ZDHHC20: variants seen among roughly 807,000 people sequenced by gnomAD.
The protein encoded by ZDHHC20 is zDHHC palmitoyltransferase 20, also known as palmitoyltransferase ZDHHC20.
ZDHHC20 carries 43 observed loss-of-function variants against 57.8 expected under a neutral mutation model. The ratio of observed to expected loss-of-function variants is 0.74; its 90% confidence interval spans 0.58 to 0.96. The LOEUF is 0.96. Among genes scored for constraint, ZDHHC20 ranks in the 40% least tolerant of loss-of-function variants. The probability of loss-of-function intolerance (pLI) is 0.00; values close to 1 mark genes in which losing one functional copy is unlikely to be tolerated. For missense variants in ZDHHC20, 391 were observed against 441.1 expected, an observed-to-expected ratio of 0.89 and a Z score of 1.02; for synonymous variants, 157 against 153.0, an observed-to-expected ratio of 1.03 and a Z score of -0.19.
chr13:21,437,267 C>A (rs770238909), intron 1 of ZDHHC20, among the ~76,000 whole-genome samples: 3 of 152,202 alleles, frequency 2.0e-5, no homozygotes, highest in Non-Finnish European at 2.9e-5. Context: ...CAGGACGAAG[C>A]AGCAAGTTTT....
At chr13:21,423,292 A>G (rs1391342412) in intron 2 of ZDHHC20, among the ~76,000 whole-genome samples, 1 of 152,172 alleles carries the variant, frequency 6.6e-6, no homozygotes, top group Non-Finnish European at 1.5e-5. Flanking sequence ...TGATTGTCAT[A>G]CACATTAAAA....
At chr13:21,420,920 T>C in intron 3 of ZDHHC20, 141 bp downstream of exon 3, 1 of 638,852 alleles carries the variant, frequency 1.6e-6, no homozygotes, top group Non-Finnish European at 2.8e-6. Flanking sequence ...TGACTCACAT[T>C]CACAGTACAG....
chr13:21,447,245 C>G (rs774968168), intron 1 of ZDHHC20, among the ~76,000 whole-genome samples: 107 of 148,292 alleles, frequency 7.2e-4, no homozygotes, highest in Non-Finnish European at 1.3e-3. Context: ...GCCGAGGACT[C>G]GTCCCAGTTT....
At chr13:21,441,607 GT>G (rs1328573613) in intron 1 of ZDHHC20, among the ~76,000 whole-genome samples, 1 of 117,306 alleles carries the variant, frequency 8.5e-6, no homozygotes, top group Non-Finnish European at 1.6e-5. Flanking sequence ...GTTTCACCGT[GT>G]TAGCCAGGAT....
In ZDHHC20 at chr13:21,405,906, G is replaced by T. The variant is rs75906804; in HGVS notation, c.371-3040C>A. On this transcript the variant is annotated intron_variant, in intron 4 of 12. Transcript: ENST00000400590. ...GCTTCCATAATGCTTGGGTGCACCA[G>T]CAGGATCTGAACTCAGAACATACAA... Among the ~76,000 whole-genome samples the T allele has an allele frequency of 1.6e-3, 248 of 152,320 alleles. 1 individual carries two copies. The highest frequency in any genetic ancestry group is 3.0e-3 in the Admixed American group (46 of 15,292).
At chr13:21,445,722 T>C (rs768886200) in intron 1 of ZDHHC20, among the ~76,000 whole-genome samples, 3 of 152,210 alleles carry the variant, frequency 2.0e-5, no homozygotes, top group Non-Finnish European at 4.4e-5. Context: ...GAACATATTA[T>C]ACCAGACCCT....
chr13:21,421,269 A>G, intron 2 of ZDHHC20, 105 bp from the exon 3 acceptor site: 1 of 779,974 alleles, frequency 1.3e-6, no homozygotes, highest in Non-Finnish European at 2.1e-6. Context: ...TCCAATAAAC[A>G]ATTAAATTAA....
intron 4 of ZDHHC20, 34 bp from the exon 5 acceptor site, chr13:21,402,900 G>A: frequency 6.6e-7 from 1 of 1,511,068 alleles, no homozygotes; most frequent in Non-Finnish European, 9.0e-7. Context: ...GATGCTGAAG[G>A]ATGTACAAAC....
At chr13:21,379,512 G>A (rs1374435429) in intron 11 of ZDHHC20, among the ~76,000 whole-genome samples, 1 of 151,964 alleles carries the variant, frequency 6.6e-6, no homozygotes, top group Non-Finnish European at 1.5e-5. Context: ...AAACTCCTGA[G>A]CTCAAGTGAT....
chr13:21,428,799 G>C (rs1296656564), intron 1 of ZDHHC20, among the ~76,000 whole-genome samples: 1 of 152,056 alleles, frequency 6.6e-6, no homozygotes, highest in Non-Finnish European at 1.5e-5. Flanking sequence ...GGCGGTTGCA[G>C]TGAGGCAAGA....
chr13:21,425,690 G>T lies in ZDHHC20; in HGVS notation c.119-12C>A. The T allele has an allele frequency of 8.7e-7, 1 of 1,148,772 alleles. No individual in the cohort carries two copies. The allele number at this position is 1,148,772 out of a possible 1,614,324, so 71.2% of individuals were successfully genotyped here. ...TCCAAAAATAGTAACTAGAATAGAA[G>T]AAAAAATAGTGAATAAATATACTTT... On this transcript the variant is annotated splice_polypyrimidine_tract_variant and intron_variant, in intron 1 of 12. Coordinates refer to ENST00000400590, the MANE Select transcript of ZDHHC20 (RefSeq NM_001330059.2).
chr13:21,434,098 G>T (rs757007424), intron 1 of ZDHHC20, among the ~76,000 whole-genome samples: 1 of 152,104 alleles, frequency 6.6e-6, no homozygotes, highest in Non-Finnish European at 1.5e-5. Context: ...GTGTGTGTGT[G>T]TGTGTGTCTG....
intron 4 of ZDHHC20, chr13:21,404,191 C>A: frequency 2.5e-6 from 1 of 408,090 alleles, no homozygotes; most frequent in Non-Finnish European, 4.9e-6. Context: ...ATTTTCCATA[C>A]AGAATACATT....
At chr13:21,391,632 C>A in intron 8 of ZDHHC20, 90 bp downstream of exon 8, 1 of 1,368,026 alleles carries the variant, frequency 7.3e-7, no homozygotes, top group Non-Finnish European at 9.9e-7. Context: ...TCTTACACTT[C>A]TGTATCATCT....
At chr13:21,391,518 A>G (rs1044264115) in intron 8 of ZDHHC20, among the ~76,000 whole-genome samples, 1 of 151,950 alleles carries the variant, frequency 6.6e-6, no homozygotes, top group Admixed American at 6.6e-5. Context: ...GGGTCTCCCT[A>G]TGTTGTCTAG....
At chr13:21,384,776 G>C (rs1194846463) in intron 9 of ZDHHC20, among the ~76,000 whole-genome samples, 5 of 152,112 alleles carry the variant, frequency 3.3e-5, no homozygotes, top group Admixed American at 2.0e-4. Flanking sequence ...ACTACAGAAC[G>C]TAATACTCTG....
intron 1 of ZDHHC20, among the ~76,000 whole-genome samples, chr13:21,453,904 T>C (rs1445825618): frequency 6.6e-6 from 1 of 152,098 alleles, no homozygotes; most frequent in Non-Finnish European, 1.5e-5. Flanking sequence ...TGGAGTGCAA[T>C]GGCACAATCA....
chr13:21,437,580 G>A (rs775981404), intron 1 of ZDHHC20, among the ~76,000 whole-genome samples: 14 of 152,232 alleles, frequency 9.2e-5, no homozygotes, highest in South Asian at 2.1e-4. Flanking sequence ...CTCATTTACC[G>A]TTCCAAAAAC....
intron 8 of ZDHHC20, among the ~76,000 whole-genome samples, chr13:21,390,448 A>G (rs1250844826): frequency 6.6e-6 from 1 of 152,190 alleles, no homozygotes; most frequent in East Asian, 1.9e-4. Flanking sequence ...GCAAACAAAA[A>G]GAGAAATAAA....
Sources: allele counts gnomAD v4.1 joint callset (sites outside exome capture counted in the v4.1 genomes callset), GRCh38; gene constraint gnomAD v4.1.1; transcripts MANE v1.5; gene names NCBI Gene and HGNC (gene_info 2026-07-23, HGNC 2026-07-21).